Variants in RIPOR3 observed in about 807,000 individuals in gnomAD.
The protein encoded by RIPOR3 is family with sequence similarity 65 member C.
In RIPOR3, 95 loss-of-function variants were observed where a neutral mutation model predicts 114.3. The ratio of observed to expected loss-of-function variants is 0.83; its 90% confidence interval spans 0.70 to 0.99. The LOEUF (loss-of-function observed/expected upper bound fraction) is 0.99, where lower values mean the gene tolerates loss of function less well. Ranked by LOEUF, RIPOR3 falls within the 50% of genes least tolerant of loss-of-function variation. RIPOR3 has a pLI of 0.00. For missense variants in RIPOR3, 1,252 were observed against 1,266.9 expected (o/e 0.99, Z 0.18); for synonymous variants, 575 against 543.8 (o/e 1.06, Z -0.80).
chr20:50,637,149 A>T (rs887453095), intron 1 of RIPOR3, among the ~76,000 whole-genome samples: 1 of 152,144 alleles, frequency 6.6e-6, no homozygotes, highest in African/African-American at 2.4e-5. Flanking sequence ...TGTGGAGTCC[A>T]ACAGTCCAAC....
At chr20:50,660,934 TA>T (rs796496184) in intron 1 of RIPOR3, among the ~76,000 whole-genome samples, 2,322 of 145,070 alleles carry the variant, frequency 0.016, 59 homozygotes, top group African/African-American at 0.053. Context: ...CCTGGCTAAT[TA>T]AAAAAAAAAA....
chr20:50,652,862 G>T (rs1453573222), intron 1 of RIPOR3, among the ~76,000 whole-genome samples: 1 of 152,208 alleles, frequency 6.6e-6, no homozygotes, highest in East Asian at 1.9e-4. Context: ...GGGCGCAGCT[G>T]CTTTGGAAAA....
At chr20:50,634,280 C>T (rs2084914422) in intron 1 of RIPOR3, among the ~76,000 whole-genome samples, 1 of 152,164 alleles carries the variant, frequency 6.6e-6, no homozygotes, top group African/African-American at 2.4e-5. Context: ...CCGCGCCTGA[C>T]CAGGACACTC....
intron 1 of RIPOR3, among the ~76,000 whole-genome samples, chr20:50,635,343 C>T (rs924162876): frequency 1.3e-5 from 2 of 152,188 alleles, no homozygotes; most frequent in Non-Finnish European, 2.9e-5. Flanking sequence ...TTACTATCCC[C>T]ATTTTGCAGA....
chr20:50,643,706 C>CTTTT (rs71190582), intron 1 of RIPOR3, among the ~76,000 whole-genome samples: 11 of 134,928 alleles, frequency 8.2e-5, no homozygotes, highest in East Asian at 2.2e-4. Flanking sequence ...TTCTTTCTTT[C>CTTTT]TTTTTTTTTT....
intron 1 of RIPOR3, among the ~76,000 whole-genome samples, chr20:50,685,976 T>C (rs774146499): frequency 6.6e-6 from 1 of 152,090 alleles, no homozygotes; most frequent in Non-Finnish European, 1.5e-5. Flanking sequence ...AATGATCCCA[T>C]TTTTGAAAAT....
intron 11 of RIPOR3, 120 bp downstream of exon 11, chr20:50,608,269 C>A: frequency 3.6e-6 from 5 of 1,407,352 alleles, no homozygotes; most frequent in Non-Finnish European, 4.8e-6. Flanking sequence ...CAGATGAGGA[C>A]CCGTGAGGGC....
intron 1 of RIPOR3, among the ~76,000 whole-genome samples, chr20:50,648,790 C>T (rs1029846284): frequency 2.0e-5 from 3 of 152,028 alleles, no homozygotes; most frequent in South Asian, 2.1e-4. Flanking sequence ...AGGGTTCGTG[C>T]TCCTGTGAGA....
At chr20:50,679,712 T>C (rs1204525551) in intron 1 of RIPOR3, among the ~76,000 whole-genome samples, 1 of 147,850 alleles carries the variant, frequency 6.8e-6, no homozygotes, top group Non-Finnish European at 1.5e-5. Context: ...GAGGTTGCAG[T>C]GAGCCGAGAT....
At chr20:50,648,385 T>C (rs929635625) in intron 1 of RIPOR3, among the ~76,000 whole-genome samples, 12 of 151,758 alleles carry the variant, frequency 7.9e-5, no homozygotes, top group African/African-American at 2.9e-4. Flanking sequence ...GGAAACTTAT[T>C]GTCTTGCAGT....
intron 5 of RIPOR3, 131 bp from the exon 6 acceptor site, chr20:50,611,037 T>A (rs2083960220): frequency 1.1e-6 from 1 of 949,330 alleles, no homozygotes. Context: ...GGAAGGCTCA[T>A]CGCAGAGACT....
At chr20:50,616,299 C>T (rs543143062) in intron 3 of RIPOR3, among the ~76,000 whole-genome samples, 5 of 152,280 alleles carry the variant, frequency 3.3e-5, no homozygotes, top group African/African-American at 1.2e-4. Flanking sequence ...CCACCAGGCC[C>T]ACAAGTAGCT....
At chr20:50,630,946 C>T (rs2084800863) in intron 1 of RIPOR3, 90 bp from the exon 2 acceptor site, 6 of 984,470 alleles carry the variant, frequency 6.1e-6, no homozygotes, top group Admixed American at 4.1e-5. Flanking sequence ...CACCTACAGA[C>T]CTCACAATGG....
intron 18 of RIPOR3, 138 bp downstream of exon 18, chr20:50,592,897 A>G: frequency 8.7e-7 from 1 of 1,148,710 alleles, no homozygotes; most frequent in Admixed American, 2.1e-5. Flanking sequence ...TGAACGCAGA[A>G]TCTCATTAAA....
chr20:50,672,664 G>A (rs1324279854), intron 1 of RIPOR3, among the ~76,000 whole-genome samples: 1 of 152,182 alleles, frequency 6.6e-6, no homozygotes, highest in Admixed American at 6.5e-5. Flanking sequence ...GAAGGGTCAG[G>A]CCCCAGCTCT....
chr20:50,637,633 G>C (rs1327632328), intron 1 of RIPOR3, among the ~76,000 whole-genome samples: 3 of 152,228 alleles, frequency 2.0e-5, no homozygotes, highest in South Asian at 2.1e-4. Flanking sequence ...CCAGCACTTT[G>C]GGAGGCTGAG....
In RIPOR3 at chr20:50,608,543, G is replaced by C; in HGVS notation, c.811-9C>G. On this transcript the variant is annotated splice_polypyrimidine_tract_variant and intron_variant, in intron 10 of 21. Transcript: ENST00000327979. ...CCCCGCAACTCCGTCACCTGGGGGT[G>C]GGGGCTGGAGGGTGGTGTCTGAGCC... The C allele has an allele frequency of 1.2e-6, 2 of 1,613,658 alleles. No homozygotes were observed. The highest frequency in any genetic ancestry group is 1.7e-6 in the Non-Finnish European group (2 of 1,179,864).
intron 2 of RIPOR3, among the ~76,000 whole-genome samples, chr20:50,627,420 G>A (rs1281704990): frequency 6.6e-6 from 1 of 150,454 alleles, no homozygotes; most frequent in Non-Finnish European, 1.5e-5. Context: ...TGAGACAGGA[G>A]AATTGCTTGA....
At chr20:50,589,582 CA>C in intron 20 of RIPOR3, 103 bp downstream of exon 20, 1 of 1,207,578 alleles carries the variant, frequency 8.3e-7, no homozygotes, top group Non-Finnish European at 1.2e-6. Context: ...AGGCGTGAGC[CA>C]TCACGCCCAG....
Sources: gnomAD v4.1 joint callset for allele counts (sites outside exome capture counted in the v4.1 genomes callset) on GRCh38, gnomAD v4.1.1 for gene constraint, MANE v1.5 for transcripts, NCBI Gene and HGNC (gene_info 2026-07-23, HGNC 2026-07-21) for gene names.